The following GRIK2 variants were observed in gnomAD, a reference collection of about 807,000 sequenced individuals.
GRIK2 encodes the protein glutamate ionotropic receptor kainate type subunit 2.
In GRIK2, 32 loss-of-function variants were observed where a neutral mutation model predicts 100.3. That is an observed-to-expected ratio of 0.32 (90% CI 0.24 to 0.43). GRIK2 has a LOEUF of 0.43. GRIK2 is among the 20% of genes least tolerant of loss of function. The pLI, the probability that GRIK2 is intolerant of heterozygous loss-of-function variation, is 1.00. For missense variants in GRIK2, 843 were observed against 1,114.9 expected (o/e 0.76, Z 3.47); for synonymous variants, 417 against 389.4 (o/e 1.07, Z -0.83).
chr6:101,673,545 A>G (rs939713528), intron 4 of GRIK2, among the ~76,000 whole-genome samples: 1 of 152,172 alleles, frequency 6.6e-6, no homozygotes, highest in Non-Finnish European at 1.5e-5. Flanking sequence ...TCTTTGCTTC[A>G]TAAGATTCTC....
At chr6:101,875,669 T>G (rs978258096) in intron 11 of GRIK2, among the ~76,000 whole-genome samples, 3 of 151,922 alleles carry the variant, frequency 2.0e-5, no homozygotes, top group African/African-American at 7.2e-5. Flanking sequence ...ACTCATTGTT[T>G]TTTCCCCTCC....
chr6:101,813,162 T>C lies in GRIK2; in HGVS notation c.1204-5208T>C, dbSNP rs979302342. 4.6e-5 allele frequency among the ~76,000 whole-genome samples: 7 copies of C among 151,274 alleles called. No individual in the cohort carries two copies. In the East Asian group the frequency reaches 5.8e-4, roughly 13 times the overall value. The stretch of plus-strand genomic sequence containing the variant: ...ACATATACACACACACACACACACA[T>C]ATACACACACATATGTACTTGTTGA... On this transcript the variant is annotated intron_variant, in intron 9 of 16. Coordinates refer to ENST00000369134, the MANE Select transcript of GRIK2 (RefSeq NM_021956.5).
intron 5 of GRIK2, among the ~76,000 whole-genome samples, chr6:101,681,536 G>A (rs531186938): frequency 2.4e-4 from 36 of 151,152 alleles, no homozygotes; most frequent in African/African-American, 8.0e-4. Flanking sequence ...CACCCAGCCA[G>A]CATTTATCCT....
chr6:101,704,478 T>C (rs1400573703), intron 7 of GRIK2, among the ~76,000 whole-genome samples: 1 of 151,806 alleles, frequency 6.6e-6, no homozygotes, highest in African/African-American at 2.4e-5. Flanking sequence ...CAATTCTAAA[T>C]TGTCTTCTAA....
At chr6:101,442,103 G>T (rs1189237449) in intron 2 of GRIK2, among the ~76,000 whole-genome samples, 1 of 152,078 alleles carries the variant, frequency 6.6e-6, no homozygotes, top group African/African-American at 2.4e-5. Context: ...CTGGATGGCA[G>T]AAAAGGATAG....
At chr6:101,608,440 T>G (rs1189547908) in intron 2 of GRIK2, among the ~76,000 whole-genome samples, 1 of 151,978 alleles carries the variant, frequency 6.6e-6, no homozygotes, top group South Asian at 2.1e-4. Flanking sequence ...GAACATGTGT[T>G]ATTTCTAGTA....
intron 12 of GRIK2, among the ~76,000 whole-genome samples, chr6:101,904,815 GAATGAAATTAGTTATCTATTCTTTAT>G (rs1788114958): frequency 6.6e-6 from 1 of 151,512 alleles, no homozygotes; most frequent in South Asian, 2.1e-4. Context: ...TTTATTGCAA[GAATGAAATTAGTTATCTATTCTTTAT>G]AAATGATCAG....
intron 10 of GRIK2, among the ~76,000 whole-genome samples, chr6:101,821,654 T>TA (rs201968526): frequency 7.7e-4 from 117 of 151,628 alleles, no homozygotes; most frequent in Middle Eastern, 6.8e-3. Context: ...ACCTTTTAGT[T>TA]AAAAAAAAAT....
At chr6:101,517,170 G>T (rs978364699) in intron 2 of GRIK2, among the ~76,000 whole-genome samples, 1 of 152,010 alleles carries the variant, frequency 6.6e-6, no homozygotes, top group African/African-American at 2.4e-5. Context: ...AGACTTTGTG[G>T]GAGGGCATAA....
chr6:101,490,113 T>G (rs1317366218), intron 2 of GRIK2, among the ~76,000 whole-genome samples: 3 of 146,390 alleles, frequency 2.0e-5, no homozygotes, highest in African/African-American at 7.8e-5. Context: ...CAACAATTTT[T>G]TACTCTTTAC....
intron 14 of GRIK2, among the ~76,000 whole-genome samples, chr6:101,930,105 G>T (rs1430978505): frequency 6.6e-6 from 1 of 152,062 alleles, no homozygotes; most frequent in Non-Finnish European, 1.5e-5. Flanking sequence ...ACTCTGGGAG[G>T]CCAAGGTGGG....
At chr6:101,633,481 G>A (rs556697842) in intron 4 of GRIK2, among the ~76,000 whole-genome samples, 2 of 152,196 alleles carry the variant, frequency 1.3e-5, no homozygotes, top group South Asian at 4.1e-4. Context: ...TTGTTGTTGT[G>A]TAAAGTGCCT....
At position 102,001,191 on chromosome 6, in the gene GRIK2, T is replaced by A. The variant is rs1039909445; in HGVS notation, c.2086-34150T>A. Among the ~76,000 whole-genome samples, 77 of 152,062 alleles carry A rather than the reference T, an allele frequency of 5.1e-4. 1 individual carries two copies. The South Asian group carries it at 0.014, about 28-fold the overall frequency. ...CCAGGCATTCTTCTTCTTTATTTTT[T>A]TTTTTTTTTCATTTTACTTTAAGTT... On this transcript the variant is annotated intron_variant, in intron 14 of 16. Coordinates refer to ENST00000369134, the MANE Select transcript of GRIK2 (RefSeq NM_021956.5).
At chr6:101,536,504 A>G (rs896656331) in intron 2 of GRIK2, among the ~76,000 whole-genome samples, 4 of 151,746 alleles carry the variant, frequency 2.6e-5, no homozygotes, top group Admixed American at 1.3e-4. Context: ...ATTAACAAGG[A>G]TTACATTTCT....
rs114249249 is a variant in GRIK2, at chr6:101,509,228, T to A, written c.115+109836T>A. ...GAGCTGTGAGGATTAAATTTTATAA[T>A]GTACACAGACACCTTACCAACTTGA... On this transcript the variant is annotated intron_variant, in intron 2 of 16. Transcript: ENST00000369134. Among the ~76,000 whole-genome samples, 1,059 of 151,702 alleles carry A rather than the reference T, an allele frequency of 7.0e-3. 7 individuals carry two copies. The highest frequency in any genetic ancestry group is 0.022 in the African/African-American group (926 of 41,344).
At chr6:101,910,628 G>A (rs1443545583) in intron 12 of GRIK2, among the ~76,000 whole-genome samples, 1 of 151,262 alleles carries the variant, frequency 6.6e-6, no homozygotes, top group Non-Finnish European at 1.5e-5. Context: ...TGTTGTACAT[G>A]TGAATCATAT....
chr6:101,501,059 T>A (rs1773723332), intron 2 of GRIK2, among the ~76,000 whole-genome samples: 1 of 152,130 alleles, frequency 6.6e-6, no homozygotes. Flanking sequence ...GAATTACTTT[T>A]GAATATTAAT....
At chr6:101,433,615 A>ATC (rs755628676) in intron 2 of GRIK2, among the ~76,000 whole-genome samples, 1 of 151,266 alleles carries the variant, frequency 6.6e-6, no homozygotes, top group Non-Finnish European at 1.5e-5. Context: ...TTCATTGAAA[A>ATC]TCTCCTACCT....
intron 7 of GRIK2, among the ~76,000 whole-genome samples, chr6:101,778,002 A>G (rs902287425): frequency 6.6e-6 from 1 of 152,084 alleles, no homozygotes; most frequent in Admixed American, 6.5e-5. Flanking sequence ...CCAAATACCT[A>G]TTTCTTTTAT....
Sources: gnomAD v4.1 joint callset for allele counts (sites outside exome capture counted in the v4.1 genomes callset) on GRCh38, gnomAD v4.1.1 for gene constraint, MANE v1.5 for transcripts, NCBI Gene and HGNC (gene_info 2026-07-23, HGNC 2026-07-21) for gene names.